Variants in BARD1 observed in about 807,000 individuals in gnomAD.
BARD1 encodes the protein BRCA1 associated RING domain 1, also known as BRCA1-associated RING domain protein 1.
In BARD1, 73 loss-of-function variants were observed where a neutral mutation model predicts 77.0. The observed-to-expected ratio is 0.95, with a 90% CI of 0.79 to 1.15. The LOEUF (loss-of-function observed/expected upper bound fraction) is 1.15. BARD1 is among the 50% of genes most tolerant of loss of function. The probability of loss-of-function intolerance (pLI) is 0.00; values close to 1 mark genes in which losing one functional copy is unlikely to be tolerated. For missense variants in BARD1, 993 were observed against 938.8 expected (o/e 1.06, Z -0.75); for synonymous variants, 384 against 338.0 (o/e 1.14, Z -1.49).
intron 5 of BARD1, among the ~76,000 whole-genome samples, chr2:214,767,863 GA>G (rs1462040803): frequency 6.6e-6 from 1 of 152,086 alleles, no homozygotes; most frequent in Non-Finnish European, 1.5e-5. Flanking sequence ...CATAAAAAAA[GA>G]AAGGCTATTC....
Position 214,727,009 on chromosome 2 carries a change from A to C in BARD1, c.*1667T>G. 2 of 206,708 alleles carry C rather than the reference A, an allele frequency of 9.7e-6. No individual in the cohort carries two copies. The highest frequency in any genetic ancestry group is 9.3e-6 in the Non-Finnish European group (1 of 107,184). The allele number at this position is 206,708 out of a possible 1,614,324, so 12.8% of individuals were successfully genotyped here. ...TTATAAATAAAAAATGACAACCAAA[A>C]TCCTAGAGAGTCTTAAATTATTTAA... On this transcript the variant is annotated 3_prime_UTR_variant, in exon 11 of 11. Coordinates refer to ENST00000260947, the MANE Select transcript of BARD1 (RefSeq NM_000465.4).
chr2:214,770,251 C>T (rs1254227710), intron 4 of BARD1, among the ~76,000 whole-genome samples: 2 of 152,210 alleles, frequency 1.3e-5, no homozygotes, highest in African/African-American at 2.4e-5. Context: ...AGACTAAAAT[C>T]ACCACCCATT....
In BARD1 at chr2:214,728,300, A is replaced by G; in HGVS notation, c.*376T>C. ...GTTTACTAAAAAAAAAAAAAAAAAA[A>G]AGGCAAGTTTTTTCACTGGTGGCAG... On this transcript the variant is annotated 3_prime_UTR_variant, in exon 11 of 11. Coordinates refer to ENST00000260947, the MANE Select transcript of BARD1 (RefSeq NM_000465.4). 4.1e-6 allele frequency: 1 copy of G among 241,722 alleles called. No homozygotes were observed. Among genetic ancestry groups the G allele is most frequent in the Non-Finnish European group, 8.0e-6 (1 of 124,782 alleles). The allele number at this position is 241,722 out of a possible 1,614,324, so 15.0% of individuals were successfully genotyped here. A position where few individuals can be genotyped will look rare whatever the true frequency, so the allele number is the denominator to read the frequency against.
chr2:214,732,325 T>C (rs564778555), intron 9 of BARD1, among the ~76,000 whole-genome samples: 25 of 152,350 alleles, frequency 1.6e-4, no homozygotes, highest in African/African-American at 5.3e-4. Flanking sequence ...TGTCCTGCGA[T>C]TGCATCTAAT....
intron 4 of BARD1, among the ~76,000 whole-genome samples, chr2:214,779,471 A>G (rs887728516): frequency 6.6e-6 from 1 of 152,218 alleles, no homozygotes; most frequent in Non-Finnish European, 1.5e-5. Context: ...ACCCATAAAC[A>G]TAGAATGCAC....
rs1692057345 is a variant in BARD1, at chr2:214,725,750, T to A, written c.*2926A>T. The A allele has an allele frequency of 4.4e-6, 1 of 225,182 alleles. No individual in the cohort carries two copies. Among genetic ancestry groups the A allele is most frequent in the Non-Finnish European group, 8.8e-6 (1 of 113,018 alleles). The allele number at this position is 225,182 out of a possible 1,614,324, so 13.9% of individuals were successfully genotyped here. A position where few individuals can be genotyped will look rare whatever the true frequency, so the allele number is the denominator to read the frequency against. ...AGTTTACAATCTGTAGCTCAATCTA[T>A]CAAAGAAAATGGTGGCTTTTAGTAA... On this transcript the variant is annotated 3_prime_UTR_variant, in exon 11 of 11. Transcript: ENST00000260947.
chr2:214,766,487 C>A (rs1478028064), intron 6 of BARD1, among the ~76,000 whole-genome samples: 1 of 152,114 alleles, frequency 6.6e-6, no homozygotes, highest in East Asian at 1.9e-4. Context: ...AATATAAACA[C>A]TAAGTAAATT....
In BARD1 at chr2:214,781,047, G is replaced by C. The variant is rs1694989668; in HGVS notation, c.827C>G (p.Thr276Ser). Residue 276 changes from threonine to serine, a missense_variant, in exon 4 of 11, where the codon ACT (threonine) becomes AGT (serine). By Grantham distance (58) the Thr-to-Ser change is moderately conservative (BLOSUM62 1). Coordinates refer to ENST00000260947, the MANE Select transcript of BARD1 (RefSeq NM_000465.4). ...CTCAGCCAATGGTAAAGAGACTTCA[G>C]TTAAACTTCCAAAACATTCAGATTC... Reference protein sequence around the residue: ...LTESECFGSLTEVSLPLAEQI... With the variant: ...LTESECFGSLSEVSLPLAEQI... The C allele has an allele frequency of 6.2e-7, 1 of 1,608,140 alleles. No individual in the cohort carries two copies. Among genetic ancestry groups the C allele is most frequent in the Non-Finnish European group, 8.5e-7 (1 of 1,177,904 alleles).
chr2:214,784,717 T>C (rs999718837), intron 3 of BARD1, among the ~76,000 whole-genome samples: 11 of 152,188 alleles, frequency 7.2e-5, no homozygotes, highest in Non-Finnish European at 1.3e-4. Context: ...TGAGTTCATG[T>C]ACTTTGCAGG....
intron 3 of BARD1, 85 bp downstream of exon 3, chr2:214,792,212 A>T: frequency 7.8e-7 from 1 of 1,285,884 alleles, no homozygotes; most frequent in Non-Finnish European, 1.1e-6. Context: ...AGAACTCCAG[A>T]TAGATGTTTT....
At chr2:214,776,855 T>G (rs1694758241) in intron 4 of BARD1, among the ~76,000 whole-genome samples, 1 of 152,180 alleles carries the variant, frequency 6.6e-6, no homozygotes. Context: ...CAGAGGGTCT[T>G]TCTGGCTATG....
At chr2:214,744,688 T>C (rs1693013528) in intron 9 of BARD1, among the ~76,000 whole-genome samples, 1 of 152,214 alleles carries the variant, frequency 6.6e-6, no homozygotes, top group South Asian at 2.1e-4. Flanking sequence ...TGGAGTGCAG[T>C]GGCACCATCT....
rs747688042 is a variant in BARD1, at chr2:214,769,330, A to G, written c.1315-18T>C. 6.3e-7 allele frequency: 1 copy of G among 1,592,776 alleles called. No individual in the cohort carries two copies. The highest frequency in any genetic ancestry group is 1.1e-5 in the South Asian group (1 of 90,614). On this transcript the variant is annotated intron_variant, in intron 4 of 10. Transcript: ENST00000260947. ...ATGTCGCCCTAGAAAAATGAACAAAACGGAAATTAAAAAGCATTAAGGAAA... is the reference window on the plus strand; with the variant it reads ...ATGTCGCCCTAGAAAAATGAACAAAGCGGAAATTAAAAAGCATTAAGGAAA...
At chr2:214,736,686 A>G (rs532049668) in intron 9 of BARD1, among the ~76,000 whole-genome samples, 1 of 152,164 alleles carries the variant, frequency 6.6e-6, no homozygotes, top group South Asian at 2.1e-4. Flanking sequence ...ACCTTAATAG[A>G]TACTACAGTC....
intron 4 of BARD1, among the ~76,000 whole-genome samples, chr2:214,780,357 C>T (rs970335968): frequency 9.2e-5 from 14 of 152,200 alleles, no homozygotes; most frequent in Non-Finnish European, 1.8e-4. Context: ...CCTACAAGAT[C>T]ATGCGCCCAG....
chr2:214,738,212 T>A (rs904109363), intron 9 of BARD1, among the ~76,000 whole-genome samples: 1 of 152,200 alleles, frequency 6.6e-6, no homozygotes. Flanking sequence ...ACGGATGAAC[T>A]ACTTAGCTAT....
chr2:214,772,385 C>T (rs1057088785), intron 4 of BARD1, among the ~76,000 whole-genome samples: 3 of 152,000 alleles, frequency 2.0e-5, no homozygotes, highest in Non-Finnish European at 4.4e-5. Context: ...CTATCTTTAA[C>T]ATGAAAGTAC....
At chr2:214,809,057 G>A (rs935267006) in intron 1 of BARD1, among the ~76,000 whole-genome samples, 1 of 152,164 alleles carries the variant, frequency 6.6e-6, no homozygotes. Flanking sequence ...CCAGGGCCGG[G>A]TAAAAAATGC....
chr2:214,781,575 A>G, intron 3 of BARD1, 66 bp from the exon 4 acceptor site: 11 of 1,363,754 alleles, frequency 8.1e-6, no homozygotes, highest in Non-Finnish European at 1.1e-5. Context: ...GAGCTCCCGA[A>G]GAATTTTGTT....
Sources: gnomAD v4.1 joint callset for allele counts (sites outside exome capture counted in the v4.1 genomes callset) on GRCh38, gnomAD v4.1.1 for gene constraint, MANE v1.5 for transcripts, NCBI Gene and HGNC (gene_info 2026-07-23, HGNC 2026-07-21) for gene names.